The following PEAR1 variants were observed in gnomAD, a reference collection of about 807,000 sequenced individuals.
PEAR1 encodes the protein platelet endothelial aggregation receptor 1, also known as multiple EGF-like domains protein 12.
Under a neutral mutation model 131.2 loss-of-function variants are expected in PEAR1, and 113 were observed. The ratio of observed to expected loss-of-function variants is 0.86; its 90% confidence interval spans 0.74 to 1.01. PEAR1 has a LOEUF of 1.01. Ranked by LOEUF, PEAR1 falls within the 50% of genes least tolerant of loss-of-function variation. The pLI, the probability that PEAR1 is intolerant of heterozygous loss-of-function variation, is 0.00. For synonymous variants in PEAR1, 565 were observed against 523.3 expected (o/e 1.08, Z -1.09); for missense variants, 1,408 against 1,391.1 (o/e 1.01, Z -0.19).
Position 156,909,763 on chromosome 1 carries a change from G to T in PEAR1, c.1424G>T (p.Gly475Val), listed in dbSNP as rs748207434. The T allele has an allele frequency of 2.5e-6, 4 of 1,606,018 alleles. No homozygotes were observed. The highest frequency in any genetic ancestry group is 3.4e-6 in the Non-Finnish European group (4 of 1,174,172). ...GCCCCTCCTCCAGGTTGGCAGCGTG[G>T]TAACTGCTCTGTGCCCTGCCCACCC... The part of the protein sequence containing the change: ...ECVCKEGWQR[G>V]NCSVPCPPGT... Residue 475 changes from glycine to valine, a missense_variant, in exon 12 of 23, where the codon GGT becomes GTT. Coordinates refer to ENST00000292357, the MANE Select transcript of PEAR1 (RefSeq NM_001080471.3).
Position 156,908,055 on chromosome 1 carries a change from A to C in PEAR1, c.902+4A>C, listed in dbSNP as rs751270233. The C allele has an allele frequency of 1.8e-6, 2 of 1,142,844 alleles. No individual in the cohort carries two copies. The highest frequency in any genetic ancestry group is 5.9e-5 in the East Asian group (2 of 34,094). 70.8% of individuals were successfully genotyped at this position (1,142,844 alleles called of 1,614,324 possible). Reference sequence around the variant, plus strand: ...CTCCGGGTTACACTGGGGATCGGTGAGTGGCGTGGGGCGGGCGGGAGACGG... The same window carrying C: ...CTCCGGGTTACACTGGGGATCGGTGCGTGGCGTGGGGCGGGCGGGAGACGG... On this transcript the variant is annotated splice_donor_region_variant and intron_variant, in intron 8 of 22. Transcript: ENST00000292357. The surrounding 1 kb of genome is among the most constrained non-coding windows in gnomAD (Gnocchi z 4.2).
At position 156,912,996 on chromosome 1, in the gene PEAR1, G is replaced by T. The variant is rs187429698; in HGVS notation, c.2422+14G>T. On this transcript the variant is annotated intron_variant, in intron 18 of 22. Transcript: ENST00000292357. ...ATGTCATGCCAGGTGAGCTGGCACA[G>T]GGCCTGGGGCACAGATGAGTGGCTG... The T allele has an allele frequency of 3.9e-5, 63 of 1,613,466 alleles. No individual in the cohort carries two copies. The East Asian group carries it at 9.6e-4, about 25-fold the overall frequency.
At chr1:156,903,771 G>A (rs980566337) in intron 1 of PEAR1, 147 bp from the exon 2 acceptor site, 8 of 653,360 alleles carry the variant, frequency 1.2e-5, no homozygotes, top group Non-Finnish European at 1.9e-5. Context: ...TGAGGTGTAG[G>A]GGAGCTGGAG....
chr1:156,909,688 A>G (rs1650814856), intron 11 of PEAR1, 63 bp from the exon 12 acceptor site: 1 of 1,533,520 alleles, frequency 6.5e-7, no homozygotes, highest in East Asian at 2.3e-5. Context: ...GCCAGCTCCC[A>G]CTGTGTGCTT....
rs748510083 is a variant in PEAR1, at chr1:156,914,108, C to T, written c.2962+8C>T. 1.3e-6 allele frequency: 2 copies of T among 1,579,664 alleles called. No homozygotes were observed. The highest frequency in any genetic ancestry group is 3.6e-5 in the Admixed American group (2 of 56,018). On this transcript the variant is annotated splice_region_variant and intron_variant, in intron 22 of 22. Coordinates refer to ENST00000292357, the MANE Select transcript of PEAR1 (RefSeq NM_001080471.3). ...CCAGCCCCCTGATCCATGGTGAGCC[C>T]TCCCTCTCCACTGGCAGGAGCAGCA... is the stretch of plus-strand genomic sequence containing the variant.
intron 3 of PEAR1, 25 bp from the exon 4 acceptor site, chr1:156,905,299 A>C (rs779030036): frequency 5.6e-6 from 9 of 1,605,082 alleles, no homozygotes; most frequent in Non-Finnish European, 7.6e-6. Context: ...GGGAGGGCTG[A>C]GGGCCGCCTT....
At position 156,911,200 on chromosome 1, in the gene PEAR1, TTTTC is replaced by T. The variant is rs745468078; in HGVS notation, c.1951+474_1951+477del. Among the ~76,000 whole-genome samples the T allele has an allele frequency of 9.1e-3, 1,042 of 114,232 alleles. 93 individuals carry two copies. Among genetic ancestry groups the T allele is most frequent in the African/African-American group, 0.037 (974 of 26,656 alleles). 74.9% of individuals were successfully genotyped at this position (114,232 alleles called of 152,430 possible). A position where few individuals can be genotyped will look rare whatever the true frequency, so the allele number is the denominator to read the frequency against. On this transcript the variant is annotated intron_variant, in intron 15 of 22. Coordinates refer to ENST00000292357, the MANE Select transcript of PEAR1 (RefSeq NM_001080471.3). ...CTTTTCTTTCTTCTTTCTTTCTTTC[TTTTC>T]TTTCTTTCTTTCTTTCCTTTCTTTC... is the stretch of plus-strand genomic sequence containing the variant.
Position 156,913,231 on chromosome 1 carries a change from C to T in PEAR1, c.2460C>T (p.Pro820=). Residue 820 remains proline, a synonymous_variant, in exon 19 of 23, where the codon CCC becomes CCT. Coordinates refer to ENST00000292357, the MANE Select transcript of PEAR1 (RefSeq NM_001080471.3). The part of the protein sequence containing the change: ...PPSYSHYYSN[P]SYHTLSQCSP... ...GCTACAGTCACTACTACTCCAACCC[C>T]AGCTACCACACCCTGTCGCAGTGCT... 1.2e-6 allele frequency: 2 copies of T among 1,613,810 alleles called. No individual in the cohort carries two copies. The highest frequency in any genetic ancestry group is 8.5e-7 in the Non-Finnish European group (1 of 1,179,898).
At chr1:156,896,219 G>T (rs1390169137) in intron 1 of PEAR1, among the ~76,000 whole-genome samples, 1 of 152,200 alleles carries the variant, frequency 6.6e-6, no homozygotes, top group Non-Finnish European at 1.5e-5. Flanking sequence ...AAAATGGGAG[G>T]CATAATAGCA....
At chr1:156,906,588 G>T in intron 5 of PEAR1, 49 bp from the exon 6 acceptor site, 1 of 1,608,108 alleles carries the variant, frequency 6.2e-7, no homozygotes. Flanking sequence ...GGGAGGCTGG[G>T]GATGGACTAG....
Position 156,907,711 on chromosome 1 carries a change from GCT to G in PEAR1, c.747_748del (p.Ser249ArgfsTer36). ...TTCCAAACCCCACAGGGCTCCTGCAGCTGCCCCCCTGGCTGGATGGTATGGAG... is the reference window on the plus strand; with the variant it reads ...TTCCAAACCCCACAGGGCTCCTGCAGGCCCCCCTGGCTGGATGGTATGGAG... On this transcript the variant is annotated frameshift_variant, in exon 7 of 23. Transcript: ENST00000292357. LOFTEE classifies it high-confidence loss of function. 6.2e-7 allele frequency: 1 copy of G among 1,611,938 alleles called. No individual in the cohort carries two copies. Among genetic ancestry groups the G allele is most frequent in the Non-Finnish European group, 8.5e-7 (1 of 1,178,756 alleles).
In PEAR1 at chr1:156,913,224, C is replaced by A; in HGVS notation, c.2453C>A (p.Ser818Tyr). Residue 818 changes from serine to tyrosine, a missense_variant, in exon 19 of 23, where the codon TCC becomes TAC. Ser to Tyr is a moderately radical substitution (Grantham distance 144). Coordinates refer to ENST00000292357, the MANE Select transcript of PEAR1 (RefSeq NM_001080471.3). ...DVPPSYSHYY[S>Y]NPSYHTLSQC... Reference sequence around the variant, plus strand: ...CCTCCGAGCTACAGTCACTACTACTCCAACCCCAGCTACCACACCCTGTCG... The same window carrying A: ...CCTCCGAGCTACAGTCACTACTACTACAACCCCAGCTACCACACCCTGTCG... The A allele has an allele frequency of 5.0e-6, 8 of 1,613,812 alleles. No individual in the cohort carries two copies. Among genetic ancestry groups the A allele is most frequent in the Admixed American group, 1.7e-5 (1 of 59,978 alleles).
At chr1:156,907,877 T>G (rs756176067) in intron 7 of PEAR1, 38 bp from the exon 8 acceptor site, 6 of 1,595,250 alleles carry the variant, frequency 3.8e-6, no homozygotes, top group Non-Finnish European at 5.1e-6. Flanking sequence ...GGGAGGAGGC[T>G]GGGTGCCTGG....
chr1:156,896,490 G>A lies in PEAR1; in HGVS notation c.-10+2653G>A, dbSNP rs555441990. Among the ~76,000 whole-genome samples, 14 of 152,366 alleles carry A rather than the reference G, an allele frequency of 9.2e-5. No individual in the cohort carries two copies. In the South Asian group the frequency reaches 2.9e-3, roughly 32 times the overall value. On this transcript the variant is annotated intron_variant, in intron 1 of 22. Transcript: ENST00000292357. ...GACAATCACCAGCACCTTCCAGGGTGGCGGCGAGGGTTGGGACTGGCACTG... is the reference window on the plus strand; with the variant it reads ...GACAATCACCAGCACCTTCCAGGGTAGCGGCGAGGGTTGGGACTGGCACTG...
intron 15 of PEAR1, among the ~76,000 whole-genome samples, chr1:156,911,182 TTC>T (rs1422224890): frequency 6.2e-5 from 8 of 128,770 alleles, no homozygotes; most frequent in African/African-American, 2.6e-4. Flanking sequence ...TTTCTTTTCT[TTC>T]TTCTTTCTTT....
chr1:156,914,581 G>A (rs1169711430), intron 22 of PEAR1, 66 bp from the exon 23 acceptor site: 3 of 1,492,088 alleles, frequency 2.0e-6, no homozygotes, highest in Non-Finnish European at 2.7e-6. Flanking sequence ...AGTGCAGTGG[G>A]AGTGGAGGGA....
chr1:156,913,635 A>G, intron 20 of PEAR1, 57 bp from the exon 21 acceptor site: 1 of 1,598,932 alleles, frequency 6.3e-7, no homozygotes. Context: ...TTCTAGAGGA[A>G]GTGTGAGCCG....
chr1:156,908,991 G>T lies in PEAR1; in HGVS notation c.1366G>T (p.Ala456Ser), dbSNP rs199730424. The change falls in exon 11 of 23, where the codon GCC (alanine) becomes TCC (serine). Residue 456 changes from alanine (A) to serine (S), a missense_variant. Ala to Ser is a moderately conservative substitution (Grantham distance 99, BLOSUM62 1). Transcript: ENST00000292357. This position sits in a 1 kb window ranked among gnomAD's most constrained non-coding sequence, Gnocchi z 4.2. ...NCSARCSCENAIACSPIDGEC... is the reference protein window; with the variant it reads ...NCSARCSCENSIACSPIDGEC... Reference sequence around the variant, plus strand: ...TTCTGCACGCTGCTCATGTGAAAATGCCATCGCCTGCTCACCCATCGACGG... The same window carrying T: ...TTCTGCACGCTGCTCATGTGAAAATTCCATCGCCTGCTCACCCATCGACGG... 6.2e-7 allele frequency: 1 copy of T among 1,614,126 alleles called. No individual in the cohort carries two copies. Among genetic ancestry groups the T allele is most frequent in the Non-Finnish European group, 8.5e-7 (1 of 1,180,036 alleles).
intron 1 of PEAR1, among the ~76,000 whole-genome samples, chr1:156,900,435 C>T (rs902797551): frequency 6.6e-6 from 1 of 151,824 alleles, no homozygotes; most frequent in African/African-American, 2.4e-5. Context: ...AGAGTAGAAT[C>T]ATGGGGAGTC....
Sources: gnomAD v4.1 joint callset for allele counts (sites outside exome capture counted in the v4.1 genomes callset) on GRCh38, gnomAD v4.1.1 for gene constraint, Gnocchi (gnomAD v3.1) non-coding constraint, MANE v1.5 for transcripts, NCBI Gene and HGNC (gene_info 2026-07-23, HGNC 2026-07-21) for gene names.